The following NOXRED1 variants were observed in gnomAD, a reference collection of about 807,000 sequenced individuals.
NOXRED1 encodes the protein NADP-dependent oxidoreductase domain-containing protein 1.
Under a neutral mutation model 30.4 loss-of-function variants are expected in NOXRED1, and 20 were observed. The ratio of observed to expected loss-of-function variants is 0.66; its 90% CI spans 0.46 to 0.96. NOXRED1 has a LOEUF of 0.96. Among genes scored for constraint, NOXRED1 ranks in the 40% least tolerant of loss-of-function variants. The pLI is 0.00. For missense variants in NOXRED1, 374 were observed against 428.0 expected, an observed-to-expected ratio of 0.87 and a Z score of 1.11; for synonymous variants, 155 against 168.0, an observed-to-expected ratio of 0.92 and a Z score of 0.60.
chr14:77,412,364 G>C (rs573006442), intron 2 of NOXRED1, among the ~76,000 whole-genome samples: 2 of 152,090 alleles, frequency 1.3e-5, no homozygotes, highest in African/African-American at 4.8e-5. Flanking sequence ...AGTGGTCTTA[G>C]CCACTGCTGG....
At chr14:77,414,220 C>T (rs1465862267) in intron 1 of NOXRED1, 93 bp from the exon 2 acceptor site, 13 of 823,248 alleles carry the variant, frequency 1.6e-5, no homozygotes, top group Non-Finnish European at 2.0e-5. Context: ...CTTGCTTTGT[C>T]GCCCAGGTTA....
intron 2 of NOXRED1, among the ~76,000 whole-genome samples, chr14:77,412,882 G>A (rs10873305): frequency 0.95 from 145,084 of 152,018 alleles, 69,577 homozygotes; most frequent in East Asian, 1. Flanking sequence ...ACAAACAACT[G>A]TATACAGTGT....
chr14:77,420,438 C>T lies in NOXRED1; in HGVS notation c.155+2297G>A, dbSNP rs184492810. On this transcript the variant is annotated intron_variant, in intron 1 of 5. Coordinates refer to ENST00000380835, the MANE Select transcript of NOXRED1 (RefSeq NM_001113475.3). Reference sequence around the variant, plus strand: ...ATGTTGCCCAGGCTGGTCTCAAACTCCTGGGCTCAAATAATCCTCCCACCT... The same window carrying T: ...ATGTTGCCCAGGCTGGTCTCAAACTTCTGGGCTCAAATAATCCTCCCACCT... Among the ~76,000 whole-genome samples the T allele has an allele frequency of 2.8e-3, 432 of 151,648 alleles. 2 individuals are homozygous for T. Among genetic ancestry groups the T allele is most frequent in the Admixed American group, 0.019 (284 of 15,246 alleles).
At chr14:77,403,499 T>A (rs1169179679) in intron 5 of NOXRED1, among the ~76,000 whole-genome samples, 1 of 151,344 alleles carries the variant, frequency 6.6e-6, no homozygotes, top group African/African-American at 2.4e-5. Context: ...TCACTAAAAA[T>A]ACAAAAATTA....
chr14:77,406,542 A>G (rs943811252), intron 4 of NOXRED1, 182 bp downstream of exon 4: 13 of 717,784 alleles, frequency 1.8e-5, no homozygotes, highest in Non-Finnish European at 2.9e-5. Flanking sequence ...CCAAATGATC[A>G]AGCTTCTCAG....
At chr14:77,401,833 A>G (rs1230482048) in intron 5 of NOXRED1, among the ~76,000 whole-genome samples, 2 of 152,248 alleles carry the variant, frequency 1.3e-5, no homozygotes, top group African/African-American at 4.8e-5. Context: ...AGTATTGGTG[A>G]AAGACAAATA....
intron 1 of NOXRED1, among the ~76,000 whole-genome samples, chr14:77,419,947 G>A (rs1218841842): frequency 6.6e-6 from 1 of 151,994 alleles, no homozygotes; most frequent in Non-Finnish European, 1.5e-5. Flanking sequence ...TCTCTGTGTG[G>A]TCCTCTTTGG....
At chr14:77,419,831 G>A (rs1330517595) in intron 1 of NOXRED1, among the ~76,000 whole-genome samples, 1 of 152,070 alleles carries the variant, frequency 6.6e-6, no homozygotes, top group Non-Finnish European at 1.5e-5. Context: ...CTGCTGAGAA[G>A]CCACCAATAG....
intron 5 of NOXRED1, among the ~76,000 whole-genome samples, chr14:77,399,821 G>C (rs1181274499): frequency 6.6e-6 from 1 of 152,084 alleles, no homozygotes; most frequent in African/African-American, 2.4e-5. Flanking sequence ...AATAATGACT[G>C]AGAATTTCCC....
intron 1 of NOXRED1, 145 bp downstream of exon 1, chr14:77,422,590 C>G (rs1203603490): frequency 1.3e-6 from 1 of 772,342 alleles, no homozygotes; most frequent in Non-Finnish European, 2.2e-6. Flanking sequence ...CCTTTTAGAC[C>G]AGGAGTCATT....
chr14:77,413,193 A>T (rs1367219895), intron 2 of NOXRED1, among the ~76,000 whole-genome samples: 1 of 152,100 alleles, frequency 6.6e-6, no homozygotes, highest in African/African-American at 2.4e-5. Flanking sequence ...CCCCAGAAGA[A>T]ATCATTGTTC....
At chr14:77,407,100 G>C (rs1405168236) in intron 3 of NOXRED1, among the ~76,000 whole-genome samples, 4 of 152,236 alleles carry the variant, frequency 2.6e-5, no homozygotes, top group African/African-American at 9.6e-5. Context: ...TAGAAACTAA[G>C]TGTGCAGAAA....
chr14:77,407,572 G>A lies in NOXRED1; in HGVS notation c.423C>T (p.Phe141=). ...GCAGCTGAGACGGCAAGCAGCAGAG[G>A]AATATCACATCGGCCCAACTCACCA... ...ADLVSWADVI[F]LCCLPSQLPN... is the part of the protein sequence containing the mutation. The change falls in exon 3 of 6, where the codon TTC becomes TTT. Residue 141 remains phenylalanine, a synonymous_variant. Coordinates refer to ENST00000380835, the MANE Select transcript of NOXRED1 (RefSeq NM_001113475.3). The A allele has an allele frequency of 6.2e-7, 1 of 1,613,888 alleles. No individual in the cohort carries two copies.
intron 5 of NOXRED1, among the ~76,000 whole-genome samples, chr14:77,403,915 A>G (rs1165117586): frequency 6.6e-6 from 1 of 152,178 alleles, no homozygotes; most frequent in Non-Finnish European, 1.5e-5. Context: ...TCTCCCATCC[A>G]AGTACTAACC....
upstream of NOXRED1, among the ~76,000 whole-genome samples, chr14:77,424,612 C>T (rs1399344886): frequency 6.6e-6 from 1 of 152,226 alleles, no homozygotes; most frequent in Non-Finnish European, 1.5e-5. Context: ...ATGCTTCCTG[C>T]TCCGAAGGAA....
At chr14:77,411,947 T>G (rs1448325077) in intron 2 of NOXRED1, among the ~76,000 whole-genome samples, 1 of 151,850 alleles carries the variant, frequency 6.6e-6, no homozygotes, top group African/African-American at 2.4e-5. Flanking sequence ...CAAAAAAATT[T>G]AGCTGGGTGT....
Position 77,406,795 on chromosome 14 carries a change from GC to G in NOXRED1, c.610del (p.Ala204ProfsTer6). 1.2e-6 allele frequency: 2 copies of G among 1,613,710 alleles called. No homozygotes were observed. Among genetic ancestry groups the G allele is most frequent in the Non-Finnish European group, 1.7e-6 (2 of 1,179,642 alleles). ...GAGAGCAGCTATGACTCCCTTATTG[GC>G]CCCCCAGACGCTGACAGAATCTTCA... ...YDEDSVSVWGANKGVIAALQD... is the reference protein window; with the variant it reads ...YDEDSVSVWGXNKGVIAALQD... On this transcript the variant is annotated frameshift_variant, in exon 4 of 6. Transcript: ENST00000380835. LOFTEE classifies it high-confidence loss of function.
chr14:77,417,511 TATC>T (rs1281395453), intron 1 of NOXRED1, among the ~76,000 whole-genome samples: 1 of 152,278 alleles, frequency 6.6e-6, no homozygotes, highest in Non-Finnish European at 1.5e-5. Context: ...TTGGTCTTTT[TATC>T]ATCATGTCAT....
chr14:77,394,316 T>C lies in NOXRED1; in HGVS notation c.*315A>G, dbSNP rs1032807541. Reference sequence around the variant, plus strand: ...GCAGTATGTAATTGTCTAAAACTTATAACATTATAACTTCTTTAATTTTAG... The same window carrying C: ...GCAGTATGTAATTGTCTAAAACTTACAACATTATAACTTCTTTAATTTTAG... On this transcript the variant is annotated 3_prime_UTR_variant, in exon 6 of 6. Transcript: ENST00000380835. The C allele has an allele frequency of 4.8e-5, 9 of 186,428 alleles. No individual in the cohort carries two copies. Among genetic ancestry groups the C allele is most frequent in the Non-Finnish European group, 8.8e-5 (8 of 90,916 alleles). 11.5% of individuals were successfully genotyped at this position (186,428 alleles called of 1,614,324 possible).
Sources: gnomAD v4.1 joint callset for allele counts (sites outside exome capture counted in the v4.1 genomes callset) on GRCh38, gnomAD v4.1.1 for gene constraint, MANE v1.5 for transcripts, NCBI Gene and HGNC (gene_info 2026-07-23, HGNC 2026-07-21) for gene names.